The following AGBL1 variants were observed in gnomAD, a reference collection of about 807,000 sequenced individuals.
AGBL1 encodes cytosolic carboxypeptidase 4.
AGBL1 carries 130 observed loss-of-function variants against 118.9 expected under a neutral mutation model. That is an observed-to-expected ratio of 1.09 (90% CI 0.95 to 1.26). The LOEUF is 1.26. AGBL1 is among the 50% of genes most tolerant of loss of function. The pLI is 0.00. For missense variants in AGBL1, 1,584 were observed against 1,298.1 expected (o/e 1.22, Z -3.38); for synonymous variants, 555 against 478.9 (o/e 1.16, Z -2.08).
At chr15:86,338,119 G>A (rs1024904281) in intron 17 of AGBL1, among the ~76,000 whole-genome samples, 2 of 152,154 alleles carry the variant, frequency 1.3e-5, no homozygotes, top group Non-Finnish European at 2.9e-5. Flanking sequence ...GGAGGATAAG[G>A]GGACATGGGG....
At chr15:86,739,737 C>G (rs867041898) in intron 22 of AGBL1, among the ~76,000 whole-genome samples, 3 of 152,060 alleles carry the variant, frequency 2.0e-5, no homozygotes, top group Non-Finnish European at 1.5e-5. Context: ...ATCATTGTCC[C>G]TTTCAAAACC....
At chr15:86,998,841 CTTTAT>C (rs2081404855) in intron 24 of AGBL1, among the ~76,000 whole-genome samples, 1 of 151,610 alleles carries the variant, frequency 6.6e-6, no homozygotes, top group Non-Finnish European at 1.5e-5. Context: ...CAAGATTTTA[CTTTAT>C]TTTTTCTTTT....
chr15:86,487,441 T>C (rs2082728060), intron 18 of AGBL1, among the ~76,000 whole-genome samples: 1 of 152,086 alleles, frequency 6.6e-6, no homozygotes, highest in African/African-American at 2.4e-5. Flanking sequence ...GGGGTATTAT[T>C]GACTCATCAG....
At chr15:86,329,922 A>C (rs938778376) in intron 17 of AGBL1, among the ~76,000 whole-genome samples, 1 of 152,166 alleles carries the variant, frequency 6.6e-6, no homozygotes, top group South Asian at 2.1e-4. Flanking sequence ...CAGAGCATCC[A>C]CTCTCCTGGA....
intron 5 of AGBL1, among the ~76,000 whole-genome samples, chr15:86,205,439 GA>G (rs1356051779): frequency 5.3e-5 from 8 of 152,234 alleles, no homozygotes; most frequent in African/African-American, 1.9e-4. Flanking sequence ...TTCATGTGGA[GA>G]TGAGTTTTTA....
intron 24 of AGBL1, among the ~76,000 whole-genome samples, chr15:86,991,906 T>C (rs931206128): frequency 6.6e-6 from 1 of 152,184 alleles, no homozygotes; most frequent in African/African-American, 2.4e-5. Context: ...GCTGTCAATT[T>C]TGTCTTTCTC....
rs372004187 is a variant in AGBL1, at chr15:86,522,829, G to T, written c.2575G>T (p.Gly859Trp). The change falls in exon 19 of 23, where the codon GGG (glycine) becomes TGG (tryptophan). Residue 859 changes from glycine (G) to tryptophan (W), a missense_variant. Physicochemically the swap from Gly to Trp is radical, Grantham distance 184 (BLOSUM62 -2). Transcript: ENST00000614907. ...INGNHRCSLS[G>W]EDLNRQWLSP... is the part of the protein sequence containing the mutation. Reference sequence around the variant, plus strand: ...CTGTAGCCACAGATGCTCACTGAGCGGGGAAGATTTGAACAGACAATGGCT... The same window carrying T: ...CTGTAGCCACAGATGCTCACTGAGCTGGGAAGATTTGAACAGACAATGGCT... 1.2e-6 allele frequency: 2 copies of T among 1,613,636 alleles called. No individual in the cohort carries two copies. The highest frequency in any genetic ancestry group is 1.1e-5 in the South Asian group (1 of 91,066).
At chr15:86,736,635 A>T (rs2077603951) in intron 22 of AGBL1, among the ~76,000 whole-genome samples, 3 of 152,112 alleles carry the variant, frequency 2.0e-5, no homozygotes, top group African/African-American at 7.2e-5. Context: ...ATTGTGAAAC[A>T]ATTTGGCTCT....
chr15:86,204,749 C>G (rs941814353), intron 5 of AGBL1, among the ~76,000 whole-genome samples: 5 of 152,070 alleles, frequency 3.3e-5, no homozygotes, highest in African/African-American at 1.2e-4. Context: ...ACCACCATGC[C>G]CAGCTAATTT....
intron 17 of AGBL1, among the ~76,000 whole-genome samples, chr15:86,366,022 C>A (rs550086712): frequency 6.6e-6 from 1 of 152,300 alleles, no homozygotes; most frequent in African/African-American, 2.4e-5. Flanking sequence ...TGAAGAAAGG[C>A]ACCTGATATT....
intron 19 of AGBL1, among the ~76,000 whole-genome samples, chr15:86,528,155 G>A (rs984829110): frequency 1.1e-4 from 17 of 152,200 alleles, no homozygotes; most frequent in South Asian, 2.1e-4. Context: ...CAGCGTGAGC[G>A]ACGCAGAAGA....
chr15:86,491,241 A>C (rs929178785), intron 18 of AGBL1, among the ~76,000 whole-genome samples: 1 of 152,122 alleles, frequency 6.6e-6, no homozygotes. Context: ...CCAGATGGGG[A>C]CCATAGCATG....
At chr15:86,926,921 C>A (rs1041153236) in intron 23 of AGBL1, among the ~76,000 whole-genome samples, 2 of 151,544 alleles carry the variant, frequency 1.3e-5, no homozygotes, top group African/African-American at 4.9e-5. Flanking sequence ...CGGGTGGATC[C>A]CATGGTCAGG....
intron 22 of AGBL1, among the ~76,000 whole-genome samples, chr15:86,744,356 C>T (rs990149312): frequency 3.3e-5 from 5 of 152,124 alleles, no homozygotes; most frequent in Non-Finnish European, 7.4e-5. Context: ...TCCCGGCCTA[C>T]CCCATTCTCA....
chr15:86,506,036 T>C (rs1297248815), intron 18 of AGBL1, among the ~76,000 whole-genome samples: 1 of 152,116 alleles, frequency 6.6e-6, no homozygotes, highest in Non-Finnish European at 1.5e-5. Context: ...GGTCTTCTAA[T>C]GATTAGACAG....
chr15:86,462,741 A>G (rs1268436326), intron 18 of AGBL1, among the ~76,000 whole-genome samples: 2 of 152,126 alleles, frequency 1.3e-5, no homozygotes, highest in Admixed American at 6.5e-5. Context: ...AGCTTCATCC[A>G]TGTCCCTGCA....
intron 17 of AGBL1, among the ~76,000 whole-genome samples, chr15:86,390,065 G>GA (rs1236446553): frequency 3.9e-5 from 6 of 151,996 alleles, no homozygotes; most frequent in Non-Finnish European, 5.9e-5. Context: ...TGAAAGTGAT[G>GA]AAAAAATATA....
intron 5 of AGBL1, among the ~76,000 whole-genome samples, chr15:86,165,112 G>A (rs996752935): frequency 1.3e-5 from 2 of 152,210 alleles, no homozygotes; most frequent in Non-Finnish European, 2.9e-5. Flanking sequence ...GGCAACGGGA[G>A]GAGATGGATA....
chr15:86,609,620 T>G (rs2142387946), intron 21 of AGBL1, among the ~76,000 whole-genome samples: 1 of 152,280 alleles, frequency 6.6e-6, no homozygotes. Flanking sequence ...CCCAAACACC[T>G]CATTCTCGTG....
Sources: gnomAD v4.1 joint callset for allele counts (sites outside exome capture counted in the v4.1 genomes callset) on GRCh38, gnomAD v4.1.1 for gene constraint, MANE v1.5 for transcripts, NCBI Gene and HGNC (gene_info 2026-07-23, HGNC 2026-07-21) for gene names.